The following GPM6A variants were observed in gnomAD, a reference collection of about 807,000 sequenced individuals.
GPM6A encodes neuronal membrane glycoprotein M6-a.
In GPM6A, 7 loss-of-function variants were observed where a neutral mutation model predicts 32.1. The observed-to-expected ratio is 0.22, with a 90% confidence interval of 0.12 to 0.41. GPM6A has a LOEUF of 0.41. Among genes scored for constraint, GPM6A ranks in the 10% least tolerant of loss-of-function variants. The pLI, the probability that GPM6A is intolerant of heterozygous loss-of-function variation, is 1.00. For synonymous variants in GPM6A, 130 were observed against 123.4 expected (o/e 1.05, Z -0.35); for missense variants, 235 against 347.2 (o/e 0.68, Z 2.57).
intron 1 of GPM6A, among the ~76,000 whole-genome samples, chr4:175,774,363 A>G (rs139086150): frequency 1.7e-3 from 258 of 152,238 alleles, no homozygotes; most frequent in African/African-American, 5.9e-3. Flanking sequence ...ATTAATAAGC[A>G]TATTAATCTT....
intron 1 of GPM6A, among the ~76,000 whole-genome samples, chr4:175,730,602 G>T: frequency 6.6e-6 from 1 of 151,896 alleles, no homozygotes; most frequent in South Asian, 2.1e-4. Context: ...TCCTGAGTAG[G>T]TGGGACTACA....
At chr4:175,873,966 T>C (rs1736999703) in intron 1 of GPM6A, among the ~76,000 whole-genome samples, 1 of 152,186 alleles carries the variant, frequency 6.6e-6, no homozygotes, top group African/African-American at 2.4e-5. Flanking sequence ...AATTATTGAC[T>C]GAGCACCTGT....
intron 1 of GPM6A, among the ~76,000 whole-genome samples, chr4:175,972,151 G>A (rs958266832): frequency 2.0e-5 from 3 of 151,920 alleles, no homozygotes; most frequent in African/African-American, 4.8e-5. Context: ...AAGAACCCCC[G>A]TGTAGCTCTA....
At chr4:175,945,295 G>C (rs1317021210) in intron 1 of GPM6A, among the ~76,000 whole-genome samples, 1 of 152,062 alleles carries the variant, frequency 6.6e-6, no homozygotes, top group Non-Finnish European at 1.5e-5. Context: ...TTTATTAAAG[G>C]AGATGAACAA....
chr4:175,880,092 G>A (rs998115387), intron 1 of GPM6A, among the ~76,000 whole-genome samples: 5 of 152,150 alleles, frequency 3.3e-5, no homozygotes, highest in Non-Finnish European at 5.9e-5. Context: ...TCCAGTTTCA[G>A]CTTTCTGCAT....
rs770789750 is a variant in GPM6A at position 175,640,200 on chromosome 4, A to G, written c.619-6T>C. ...AAGTGGAAGGTCATGTTCAGCTGCA[A>G]TGGAAACCACAGAGAATCAAAAGGT... On this transcript the variant is annotated splice_polypyrimidine_tract_variant and splice_region_variant and intron_variant, in intron 5 of 6. Coordinates refer to ENST00000393658, the MANE Select transcript of GPM6A (RefSeq NM_201591.3). The G allele has an allele frequency of 9.3e-6, 15 of 1,611,720 alleles. No homozygotes were observed. Among genetic ancestry groups the G allele is most frequent in the Admixed American group, 3.3e-5 (2 of 59,966 alleles).
chr4:175,990,346 C>T (rs2126458803), intron 1 of GPM6A, among the ~76,000 whole-genome samples: 1 of 152,286 alleles, frequency 6.6e-6, no homozygotes, highest in East Asian at 1.9e-4. Flanking sequence ...TTGATGACTG[C>T]AGCCTCCATC....
chr4:175,654,441 T>C (rs1198760737), intron 3 of GPM6A: 1 of 152,192 alleles, frequency 6.6e-6, no homozygotes. Context: ...TTGAAACTTG[T>C]TACATAAGAA....
intron 2 of GPM6A, among the ~76,000 whole-genome samples, chr4:175,699,348 A>C (rs968766234): frequency 6.6e-6 from 1 of 152,142 alleles, no homozygotes; most frequent in Admixed American, 6.6e-5. Flanking sequence ...ATAGCTATTG[A>C]ATTTTGGTTT....
At chr4:175,650,453 T>C (rs897962185) in intron 4 of GPM6A, among the ~76,000 whole-genome samples, 1 of 151,974 alleles carries the variant, frequency 6.6e-6, no homozygotes, top group Non-Finnish European at 1.5e-5. Flanking sequence ...TACAGGCATG[T>C]GCCACCATGC....
At chr4:175,947,492 C>A (rs1739648456) in intron 1 of GPM6A, among the ~76,000 whole-genome samples, 3 of 151,950 alleles carry the variant, frequency 2.0e-5, no homozygotes, top group Admixed American at 6.6e-5. Flanking sequence ...AATAATATTT[C>A]TTAAGTCTGA....
intron 1 of GPM6A, among the ~76,000 whole-genome samples, chr4:175,874,162 G>A (rs146835639): frequency 2.0e-5 from 3 of 152,184 alleles, no homozygotes; most frequent in South Asian, 2.1e-4. Flanking sequence ...AATCTCAGCC[G>A]CACATCTTCA....
intron 1 of GPM6A, among the ~76,000 whole-genome samples, chr4:175,709,613 A>G (rs1289362032): frequency 6.6e-6 from 1 of 151,576 alleles, no homozygotes; most frequent in Non-Finnish European, 1.5e-5. Flanking sequence ...TTGTAATCCC[A>G]GCTACTCAGG....
chr4:175,993,373 CTTT>C (rs981024577), intron 1 of GPM6A, among the ~76,000 whole-genome samples: 1 of 151,292 alleles, frequency 6.6e-6, no homozygotes, highest in South Asian at 2.1e-4. Flanking sequence ...TCTTAAAACT[CTTT>C]TTTTTTCTTT....
intron 2 of GPM6A, among the ~76,000 whole-genome samples, chr4:175,680,811 T>C (rs996803641): frequency 2.0e-5 from 3 of 152,228 alleles, no homozygotes; most frequent in Non-Finnish European, 1.5e-5. Context: ...CTATTTTCCC[T>C]TCTTTTTACA....
intron 4 of GPM6A, among the ~76,000 whole-genome samples, chr4:175,649,881 C>T (rs927751446): frequency 2.0e-5 from 3 of 152,040 alleles, no homozygotes; most frequent in Non-Finnish European, 4.4e-5. Flanking sequence ...AACTGGGTGC[C>T]CTGTATTTTA....
At chr4:175,966,761 G>A (rs1390528713) in intron 1 of GPM6A, among the ~76,000 whole-genome samples, 2 of 152,080 alleles carry the variant, frequency 1.3e-5, no homozygotes, top group African/African-American at 4.8e-5. Flanking sequence ...GTGGTAATTT[G>A]TGTAGTAGCC....
chr4:175,667,263 T>G (rs552895760), intron 3 of GPM6A, among the ~76,000 whole-genome samples: 4 of 152,200 alleles, frequency 2.6e-5, no homozygotes, highest in Non-Finnish European at 4.4e-5. Context: ...CTTGATATGA[T>G]GTGATGAGAA....
intron 1 of GPM6A, chr4:175,796,032 C>T (rs1200265531): frequency 6.6e-6 from 1 of 152,090 alleles, no homozygotes; most frequent in Non-Finnish European, 1.5e-5. Context: ...TTCTAACAGG[C>T]CACCCTGTTT....
Sources: allele counts gnomAD v4.1 joint callset (sites outside exome capture counted in the v4.1 genomes callset), GRCh38; gene constraint gnomAD v4.1.1; transcripts MANE v1.5; gene names NCBI Gene and HGNC (gene_info 2026-07-23, HGNC 2026-07-21).